Variants in LGR5 observed in about 807,000 individuals in gnomAD.
The protein encoded by LGR5 is leucine rich repeat containing G protein-coupled receptor 5.
LGR5 carries 54 observed loss-of-function variants against 76.7 expected under a neutral mutation model. That is an observed-to-expected ratio of 0.70 (90% CI 0.57 to 0.88). The LOEUF is 0.88. Ranked by LOEUF, LGR5 falls within the 40% of genes least tolerant of loss-of-function variation. The probability of loss-of-function intolerance (pLI) is 0.00; values close to 1 mark genes in which losing one functional copy is unlikely to be tolerated. For synonymous variants in LGR5, 406 were observed against 421.9 expected (o/e 0.96, Z 0.46); for missense variants, 1,078 against 1,073.3 (o/e 1.00, Z -0.06).
chr12:71,572,533 C>G (rs914370203), intron 12 of LGR5, among the ~76,000 whole-genome samples: 1 of 152,170 alleles, frequency 6.6e-6, no homozygotes, highest in Admixed American at 6.5e-5. Context: ...ATTTACCCTC[C>G]TGAAGACCCT....
chr12:71,479,458 C>T (rs772909576), intron 1 of LGR5, among the ~76,000 whole-genome samples: 9 of 152,090 alleles, frequency 5.9e-5, no homozygotes, highest in African/African-American at 2.2e-4. Flanking sequence ...TAAAAGCTGG[C>T]GATTCAGCAC....
chr12:71,482,793 A>G (rs1441058706), intron 1 of LGR5, among the ~76,000 whole-genome samples: 2 of 152,210 alleles, frequency 1.3e-5, no homozygotes, highest in Admixed American at 1.3e-4. Context: ...TCCTACTTCC[A>G]AAGCCAGTAG....
At chr12:71,582,807 A>T (rs1176227515) in intron 17 of LGR5, among the ~76,000 whole-genome samples, 2 of 152,202 alleles carry the variant, frequency 1.3e-5, no homozygotes, top group Non-Finnish European at 1.5e-5. Context: ...TGTAATTTTT[A>T]AAATGATATT....
intron 4 of LGR5, among the ~76,000 whole-genome samples, chr12:71,542,760 T>C (rs1229019123): frequency 6.6e-6 from 1 of 152,118 alleles, no homozygotes; most frequent in African/African-American, 2.4e-5. Flanking sequence ...TATACATATT[T>C]GGGGAGTGTG....
intron 1 of LGR5, among the ~76,000 whole-genome samples, chr12:71,471,335 G>A (rs1194439370): frequency 6.6e-6 from 1 of 152,154 alleles, no homozygotes; most frequent in Non-Finnish European, 1.5e-5. Flanking sequence ...ATTAAGTACT[G>A]ATACATGATA....
chr12:71,505,442 T>C (rs1832122294), intron 2 of LGR5, among the ~76,000 whole-genome samples: 1 of 152,208 alleles, frequency 6.6e-6, no homozygotes, highest in South Asian at 2.1e-4. Flanking sequence ...ATCACAGCCC[T>C]AGTGTAGAAC....
chr12:71,497,151 G>GA (rs574674611), intron 1 of LGR5, among the ~76,000 whole-genome samples: 21 of 149,730 alleles, frequency 1.4e-4, no homozygotes, highest in East Asian at 1.2e-3. Flanking sequence ...TCATCTCTAC[G>GA]AAAAAAAAAA....
chr12:71,515,790 T>C (rs1215025639), intron 2 of LGR5, among the ~76,000 whole-genome samples: 1 of 152,250 alleles, frequency 6.6e-6, no homozygotes, highest in Non-Finnish European at 1.5e-5. Flanking sequence ...ATTTACTAAG[T>C]AGTCTGATGA....
intron 16 of LGR5, chr12:71,582,146 C>T (rs1210790185): frequency 7.4e-6 from 2 of 271,266 alleles, no homozygotes; most frequent in Non-Finnish European, 1.4e-5. Context: ...AGGCCCATAG[C>T]CTCCTCTAAT....
At chr12:71,571,889 C>T (rs571594155) in intron 12 of LGR5, among the ~76,000 whole-genome samples, 4 of 152,164 alleles carry the variant, frequency 2.6e-5, no homozygotes, top group South Asian at 2.1e-4. Flanking sequence ...AGAAGTACAA[C>T]CAAACTTACA....
At chr12:71,497,348 G>T (rs970000243) in intron 1 of LGR5, among the ~76,000 whole-genome samples, 2 of 110,248 alleles carry the variant, frequency 1.8e-5, no homozygotes, top group African/African-American at 6.5e-5. Flanking sequence ...GAAAGAGGAA[G>T]GAAGGAAGAA....
chr12:71,524,360 A>C (rs759944688), intron 2 of LGR5, 46 bp from the exon 3 acceptor site: 3 of 1,356,178 alleles, frequency 2.2e-6, no homozygotes, highest in South Asian at 2.5e-5. Context: ...TGACTTCCAC[A>C]TGAAGAGGTA....
chr12:71,499,681 C>T (rs910529806), intron 1 of LGR5, among the ~76,000 whole-genome samples: 14 of 152,058 alleles, frequency 9.2e-5, no homozygotes, highest in African/African-American at 2.2e-4. Flanking sequence ...AACTCTAGAT[C>T]GAGCTCTGCT....
At chr12:71,509,968 G>C (rs1284304979) in intron 2 of LGR5, among the ~76,000 whole-genome samples, 1 of 152,162 alleles carries the variant, frequency 6.6e-6, no homozygotes, top group East Asian at 1.9e-4. Flanking sequence ...TAAACTTCCT[G>C]AAAGCATAAT....
chr12:71,543,126 A>C (rs1354332106), intron 4 of LGR5, among the ~76,000 whole-genome samples: 2 of 152,110 alleles, frequency 1.3e-5, no homozygotes, highest in Non-Finnish European at 2.9e-5. Flanking sequence ...AGCTGCTCAG[A>C]CAAGATCGGG....
intron 2 of LGR5, among the ~76,000 whole-genome samples, chr12:71,510,093 A>G (rs746857233): frequency 6.6e-6 from 1 of 152,220 alleles, no homozygotes; most frequent in Non-Finnish European, 1.5e-5. Flanking sequence ...ACAATGATCA[A>G]AGAACTTTGG....
At chr12:71,513,743 C>T (rs4760802) in intron 2 of LGR5, among the ~76,000 whole-genome samples, 27,733 of 152,148 alleles carry the variant, frequency 0.18, 2,985 homozygotes, top group Admixed American at 0.29. Context: ...TGAAAGTGCT[C>T]TAAGAAATTG....
intron 3 of LGR5, among the ~76,000 whole-genome samples, chr12:71,531,823 G>A (rs1033838822): frequency 3.3e-5 from 5 of 152,082 alleles, no homozygotes; most frequent in South Asian, 2.1e-4. Context: ...AGCCGAGATC[G>A]CACCACTGCA....
intron 16 of LGR5, chr12:71,582,232 G>A (rs143822092): frequency 1.9e-4 from 87 of 469,774 alleles, no homozygotes; most frequent in East Asian, 1.3e-3. Flanking sequence ...TACACCCGGC[G>A]TCTTGGGTCA....
Sources: allele counts gnomAD v4.1 joint callset (sites outside exome capture counted in the v4.1 genomes callset), GRCh38; gene constraint gnomAD v4.1.1; transcripts MANE v1.5; gene names NCBI Gene and HGNC (gene_info 2026-07-23, HGNC 2026-07-21).